CHAF1B: variants seen among roughly 807,000 people sequenced by gnomAD.
CHAF1B encodes CAF-1 subunit B.
CHAF1B carries 10 observed loss-of-function variants against 60.7 expected under a neutral mutation model. The ratio of observed to expected loss-of-function variants is 0.16; its 90% CI spans 0.10 to 0.28. The LOEUF is 0.28. CHAF1B is among the 10% of genes least tolerant of loss of function. The pLI is 1.00. For missense variants in CHAF1B, 558 were observed against 708.4 expected, an observed-to-expected ratio of 0.79 and a Z score of 2.41; for synonymous variants, 261 against 266.1, an observed-to-expected ratio of 0.98 and a Z score of 0.19.
chr21:36,390,161 T>C (rs1265575794), intron 3 of CHAF1B, among the ~76,000 whole-genome samples: 2 of 151,678 alleles, frequency 1.3e-5, no homozygotes, highest in South Asian at 2.1e-4. Context: ...TGGAGAAACC[T>C]CGTCTCTACT....
Position 36,394,575 on chromosome 21 carries a change from T to G in CHAF1B, c.406T>G (p.Cys136Gly). 1.9e-6 allele frequency: 3 copies of G among 1,613,818 alleles called. No individual in the cohort carries two copies. ...RGHLEDVYDI[C>G]WATDGNLMAS... is the part of the protein sequence containing the mutation. ...CCACTTAGAAGATGTGTATGATATTTGCTGGGCAACTGATGGGAATTTAAT... is the reference window on the plus strand; with the variant it reads ...CCACTTAGAAGATGTGTATGATATTGGCTGGGCAACTGATGGGAATTTAAT... The change falls in exon 5 of 14, where the codon TGC (cysteine) becomes GGC (glycine). Residue 136 changes from cysteine (C) to glycine (G), a missense_variant. Physicochemically the swap from Cys to Gly is radical, Grantham distance 159. Coordinates refer to ENST00000314103, the MANE Select transcript of CHAF1B (RefSeq NM_005441.3).
At chr21:36,391,505 G>T in intron 3 of CHAF1B, 46 bp from the exon 4 acceptor site, 2 of 1,088,864 alleles carry the variant, frequency 1.8e-6, no homozygotes, top group Non-Finnish European at 2.8e-6. Flanking sequence ...CTAATATGAA[G>T]GAGTGTGGGT....
chr21:36,402,910 GT>G (rs35051347), intron 8 of CHAF1B, 59 bp downstream of exon 8: 1 of 1,344,446 alleles, frequency 7.4e-7, no homozygotes, highest in Non-Finnish European at 1.1e-6. Context: ...GTCTGCTCCC[GT>G]TTTACGCTGC....
chr21:36,391,997 A>C (rs2086094043), intron 4 of CHAF1B, among the ~76,000 whole-genome samples: 1 of 134,834 alleles, frequency 7.4e-6, no homozygotes, highest in Non-Finnish European at 1.5e-5. Context: ...GGGTCATAGG[A>C]CAATAGTGGA....
rs748125049 is a variant in CHAF1B at position 36,413,018 on chromosome 21, A to G, written c.1196A>G (p.Lys399Arg). The change falls in exon 12 of 14, where the codon AAG (lysine) becomes AGG (arginine). Residue 399 changes from lysine (K) to arginine (R), a missense_variant. By Grantham distance (26) the Lys-to-Arg change is conservative. This residue lies in a region of CHAF1B where 233 missense variants were observed against 214.9 expected (regional missense o/e 1.08). Coordinates refer to ENST00000314103, the MANE Select transcript of CHAF1B (RefSeq NM_005441.3). Reference sequence around the variant, plus strand: ...AACATGAGAACTCCTGATACAGCAAAGAAAACCAAGAGTCAGACACATCGA... The same window carrying G: ...AACATGAGAACTCCTGATACAGCAAGGAAAACCAAGAGTCAGACACATCGA... The part of the protein sequence containing the change: ...VLNMRTPDTA[K>R]KTKSQTHRGS... The G allele has an allele frequency of 6.2e-7, 1 of 1,614,216 alleles. No individual in the cohort carries two copies. The highest frequency in any genetic ancestry group is 1.7e-5 in the Admixed American group (1 of 60,014).
intron 5 of CHAF1B, among the ~76,000 whole-genome samples, chr21:36,396,871 A>C (rs1212108904): frequency 1.3e-5 from 2 of 152,074 alleles, no homozygotes; most frequent in East Asian, 3.9e-4. Context: ...TTTCACCTTT[A>C]AAATGCAGAC....
chr21:36,408,333 A>C (rs562002396), intron 8 of CHAF1B, among the ~76,000 whole-genome samples: 1 of 152,288 alleles, frequency 6.6e-6, no homozygotes, highest in Non-Finnish European at 1.5e-5. Flanking sequence ...AGTTGGGGAA[A>C]GGCGAGTCTC....
intron 8 of CHAF1B, among the ~76,000 whole-genome samples, chr21:36,403,231 G>T (rs2086205980): frequency 6.6e-6 from 1 of 151,956 alleles, no homozygotes; most frequent in Admixed American, 6.6e-5. Context: ...GCTGAGGCGG[G>T]CGGATCACTT....
rs1348886593 is a variant in CHAF1B, at chr21:36,408,944, T to C, written c.827+114T>C. On this transcript the variant is annotated intron_variant, in intron 9 of 13. Coordinates refer to ENST00000314103, the MANE Select transcript of CHAF1B (RefSeq NM_005441.3). ...ATCTCTGCTCACTGCAACCTCTGCC[T>C]CCCGGGTTCAAGTGATTCTCCTGCC... is the stretch of plus-strand genomic sequence containing the variant. 2.0e-5 allele frequency: 14 copies of C among 685,116 alleles called. No homozygotes were observed. In the Middle Eastern group the frequency reaches 1.5e-3, roughly 76 times the overall value. The allele number at this position is 685,116 out of a possible 1,614,324, so 42.4% of individuals were successfully genotyped here.
rs982244273 is a variant in CHAF1B at position 36,418,372 on chromosome 21, C to G, written c.*2006C>G. On this transcript the variant is annotated 3_prime_UTR_variant, in exon 14 of 14. Coordinates refer to ENST00000314103, the MANE Select transcript of CHAF1B (RefSeq NM_005441.3). ...GATTGACATCCTCCTTTGCTGGGGC[C>G]GCGGACTGAAGGACAGTATGCAGGA... is the stretch of plus-strand genomic sequence containing the variant. The G allele has an allele frequency of 6.6e-6, 1 of 152,146 alleles. No homozygotes were observed. The highest frequency in any genetic ancestry group is 1.5e-5 in the Non-Finnish European group (1 of 68,072). The allele number at this position is 152,146 out of a possible 1,614,324, so 9.4% of individuals were successfully genotyped here.
chr21:36,415,940 T>C (rs2086315872), intron 13 of CHAF1B: 2 of 320,564 alleles, frequency 6.2e-6, no homozygotes, highest in African/African-American at 2.2e-5. Context: ...TTTAGTAGAG[T>C]CGGGGGTTTC....
intron 7 of CHAF1B, among the ~76,000 whole-genome samples, chr21:36,401,730 C>CT (rs993933506): frequency 1.4e-5 from 2 of 147,680 alleles, no homozygotes; most frequent in African/African-American, 5.0e-5. Flanking sequence ...TCCTTGTGTT[C>CT]TTAAGAATTA....
At chr21:36,405,338 A>G (rs908400055) in intron 8 of CHAF1B, among the ~76,000 whole-genome samples, 8 of 152,188 alleles carry the variant, frequency 5.3e-5, no homozygotes, top group Admixed American at 2.6e-4. Flanking sequence ...TCTTTCGTCT[A>G]TATTGGCAGT....
chr21:36,413,801 G>A (rs1019550374), intron 12 of CHAF1B, among the ~76,000 whole-genome samples: 3 of 152,084 alleles, frequency 2.0e-5, no homozygotes, highest in African/African-American at 7.2e-5. Context: ...CCTTTCCCTT[G>A]TCACCACACA....
intron 1 of CHAF1B, 76 bp from the exon 2 acceptor site, chr21:36,385,984 T>C (rs2086028491): frequency 3.7e-6 from 3 of 819,656 alleles, no homozygotes; most frequent in Non-Finnish European, 5.8e-6. Context: ...GTGTGCATTT[T>C]AAATGGCTCC....
intron 3 of CHAF1B, among the ~76,000 whole-genome samples, chr21:36,389,807 G>A (rs1172218155): frequency 6.6e-6 from 1 of 150,792 alleles, no homozygotes; most frequent in Non-Finnish European, 1.5e-5. Flanking sequence ...GTGTGCGCGC[G>A]CACGCTGATT....
chr21:36,402,195 T>G (rs1385082237), intron 7 of CHAF1B, among the ~76,000 whole-genome samples: 1 of 152,192 alleles, frequency 6.6e-6, no homozygotes, highest in Admixed American at 6.5e-5. Context: ...GGCATGTGCC[T>G]GTAGTCCCAG....
In CHAF1B at chr21:36,415,273, ACTT is replaced by A. The variant is rs759361557; in HGVS notation, c.1494-21_1494-19del. ...GATACTAATGAGCCATCACCCCTCT[ACTT>A]TTTTTTTTTTAAATCAAGGAGAATA... On this transcript the variant is annotated intron_variant, in intron 12 of 13. Coordinates refer to ENST00000314103, the MANE Select transcript of CHAF1B (RefSeq NM_005441.3). 5.2e-6 allele frequency: 7 copies of A among 1,337,604 alleles called. No homozygotes were observed. In the East Asian group the frequency reaches 1.6e-4, roughly 31 times the overall value. 82.9% of individuals were successfully genotyped at this position (1,337,604 alleles called of 1,614,324 possible). A position where few individuals can be genotyped will look rare whatever the true frequency, so the allele number is the denominator to read the frequency against.
chr21:36,405,168 A>G (rs2086228052), intron 8 of CHAF1B, among the ~76,000 whole-genome samples: 1 of 152,226 alleles, frequency 6.6e-6, no homozygotes, highest in Non-Finnish European at 1.5e-5. Flanking sequence ...AAGTGTGGGA[A>G]AAACAGGAAA....
Sources: allele counts gnomAD v4.1 joint callset (sites outside exome capture counted in the v4.1 genomes callset), GRCh38; gene constraint gnomAD v4.1.1; regional missense constraint gnomAD v4.1.1; transcripts MANE v1.5; gene names NCBI Gene and HGNC (gene_info 2026-07-23, HGNC 2026-07-21).